Variants in SCFD2 observed in about 807,000 individuals in gnomAD.
The protein encoded by SCFD2 is sec1 family domain-containing protein 2.
SCFD2 carries 54 observed loss-of-function variants against 58.9 expected under a neutral mutation model. The ratio of observed to expected loss-of-function variants is 0.92; its 90% CI spans 0.74 to 1.15. The LOEUF (loss-of-function observed/expected upper bound fraction) is 1.15, where lower values mean the gene tolerates loss of function less well. Ranked by LOEUF, SCFD2 falls within the 50% of genes most tolerant of loss-of-function variation. The pLI, the probability that SCFD2 is intolerant of heterozygous loss-of-function variation, is 0.00. For synonymous variants in SCFD2, 321 were observed against 335.9 expected, an observed-to-expected ratio of 0.96 and a Z score of 0.49; for missense variants, 805 against 836.6, an observed-to-expected ratio of 0.96 and a Z score of 0.47.
chr4:53,067,361 G>T (rs1174678898), intron 5 of SCFD2, among the ~76,000 whole-genome samples: 1 of 151,920 alleles, frequency 6.6e-6, no homozygotes, highest in African/African-American at 2.4e-5. Context: ...TTCAATCAAG[G>T]CTCTCTGGGG....
rs552642787 is a variant in SCFD2 at position 53,255,024 on chromosome 4, C to T, written c.1311+18802G>A. 6.6e-5 allele frequency among the ~76,000 whole-genome samples: 10 copies of T among 150,478 alleles called. No individual in the cohort carries two copies. The South Asian group carries it at 8.3e-4, about 13-fold the overall frequency. ...AGCAGCTGGGACTACAGGCACACAC[C>T]GCCATGCCCAGCTAATTTTTGTATT... On this transcript the variant is annotated intron_variant, in intron 4 of 8. Transcript: ENST00000401642.
intron 5 of SCFD2, among the ~76,000 whole-genome samples, chr4:53,092,460 A>G (rs563703725): frequency 1.1e-4 from 16 of 152,298 alleles, no homozygotes; most frequent in Non-Finnish European, 1.9e-4. Context: ...TCAGAGAAGT[A>G]AAAATTTACA....
At chr4:53,057,591 A>T (rs1723381716) in intron 5 of SCFD2, among the ~76,000 whole-genome samples, 4 of 152,124 alleles carry the variant, frequency 2.6e-5, no homozygotes, top group African/African-American at 9.7e-5. Context: ...AGGACGGGTC[A>T]ATAGGTGCAG....
intron 5 of SCFD2, chr4:52,957,487 T>C (rs527539802): frequency 6.6e-6 from 1 of 152,334 alleles, no homozygotes; most frequent in East Asian, 1.9e-4. Context: ...CTTCCTGACG[T>C]GGCAGTTTAT....
chr4:53,244,843 A>G, intron 4 of SCFD2, among the ~76,000 whole-genome samples: 1 of 151,866 alleles, frequency 6.6e-6, no homozygotes, highest in Non-Finnish European at 1.5e-5. Flanking sequence ...AATAATAATA[A>G]TAAGATAGAC....
intron 7 of SCFD2, 149 bp downstream of exon 7, chr4:52,907,308 A>C: frequency 1.3e-6 from 1 of 754,082 alleles, no homozygotes; most frequent in Non-Finnish European, 2.2e-6. Context: ...TTATAATCAA[A>C]AGATAAAGAT....
At chr4:53,215,828 T>C (rs373856461) in intron 4 of SCFD2, among the ~76,000 whole-genome samples, 1 of 152,042 alleles carries the variant, frequency 6.6e-6, no homozygotes, top group Non-Finnish European at 1.5e-5. Flanking sequence ...CCATCAATAC[T>C]TAATTTATTG....
At chr4:53,177,695 G>A (rs1038560742) in intron 4 of SCFD2, among the ~76,000 whole-genome samples, 11 of 151,956 alleles carry the variant, frequency 7.2e-5, no homozygotes, top group Admixed American at 5.2e-4. Context: ...CACCGTGTGC[G>A]AGCCAAGGCA....
At chr4:53,216,452 C>G (rs1225336873) in intron 4 of SCFD2, among the ~76,000 whole-genome samples, 4 of 152,172 alleles carry the variant, frequency 2.6e-5, no homozygotes, top group Non-Finnish European at 4.4e-5. Context: ...TCATAGTATT[C>G]TCTGATAGTA....
chr4:53,323,401 T>C (rs1437747693), intron 2 of SCFD2, among the ~76,000 whole-genome samples: 1 of 151,972 alleles, frequency 6.6e-6, no homozygotes, highest in African/African-American at 2.4e-5. Flanking sequence ...TGGGACAGGG[T>C]CTCCCTGTGT....
intron 2 of SCFD2, among the ~76,000 whole-genome samples, chr4:53,327,439 G>A (rs1733242316): frequency 6.6e-6 from 1 of 152,194 alleles, no homozygotes; most frequent in African/African-American, 2.4e-5. Flanking sequence ...CACACCAAGA[G>A]TATGATGCAC....
intron 5 of SCFD2, among the ~76,000 whole-genome samples, chr4:53,108,002 A>T (rs1353551123): frequency 6.6e-6 from 1 of 152,206 alleles, no homozygotes; most frequent in Non-Finnish European, 1.5e-5. Context: ...ATGCAAAAGA[A>T]CGGAAATCAG....
chr4:53,039,965 C>T (rs1301534723), intron 5 of SCFD2, among the ~76,000 whole-genome samples: 2 of 152,162 alleles, frequency 1.3e-5, no homozygotes, highest in Non-Finnish European at 1.5e-5. Context: ...TTGACACTTA[C>T]ACTCCTTCTG....
At chr4:53,227,715 T>G (rs977975877) in intron 4 of SCFD2, among the ~76,000 whole-genome samples, 1 of 152,084 alleles carries the variant, frequency 6.6e-6, no homozygotes, top group Non-Finnish European at 1.5e-5. Flanking sequence ...CTACAAATAC[T>G]GGAGGGGAGT....
chr4:53,253,251 G>A (rs534506420), intron 4 of SCFD2, among the ~76,000 whole-genome samples: 4 of 152,314 alleles, frequency 2.6e-5, no homozygotes, highest in African/African-American at 9.6e-5. Context: ...AGGTGCTGGA[G>A]AGGATGTGGA....
chr4:53,281,514 C>G (rs1013733782), intron 3 of SCFD2, among the ~76,000 whole-genome samples: 13 of 152,128 alleles, frequency 8.5e-5, no homozygotes, highest in Admixed American at 6.6e-4. Flanking sequence ...ACAGTTGACA[C>G]AAGAGAAACA....
intron 4 of SCFD2, among the ~76,000 whole-genome samples, chr4:53,184,414 G>A (rs544764032): frequency 1.6e-4 from 24 of 152,202 alleles, no homozygotes; most frequent in Middle Eastern, 6.8e-3. Flanking sequence ...AATTTCAAGA[G>A]CTAAAACAGC....
At chr4:52,875,110 C>A (rs996668021) in intron 8 of SCFD2, among the ~76,000 whole-genome samples, 1 of 152,162 alleles carries the variant, frequency 6.6e-6, no homozygotes, top group East Asian at 1.9e-4. Flanking sequence ...ATACAGTCAG[C>A]GGCTGAGTCA....
At chr4:53,202,305 T>C (rs896723366) in intron 4 of SCFD2, among the ~76,000 whole-genome samples, 40 of 152,328 alleles carry the variant, frequency 2.6e-4, no homozygotes, top group African/African-American at 8.7e-4. Flanking sequence ...TTGCTTGTTT[T>C]TCTCAGGTTT....
Sources: gnomAD v4.1 joint callset for allele counts (sites outside exome capture counted in the v4.1 genomes callset) on GRCh38, gnomAD v4.1.1 for gene constraint, MANE v1.5 for transcripts, NCBI Gene and HGNC (gene_info 2026-07-23, HGNC 2026-07-21) for gene names.